Variants in MAPK9 observed in about 807,000 individuals in gnomAD.
MAPK9 encodes the protein Jun kinase.
MAPK9 carries 30 observed loss-of-function variants against 57.1 expected under a neutral mutation model. That is an observed-to-expected ratio of 0.53 (90% CI 0.39 to 0.71). MAPK9 has a LOEUF of 0.71. Among genes scored for constraint, MAPK9 ranks in the 30% least tolerant of loss-of-function variants. The pLI is 0.00. For synonymous variants in MAPK9, 155 were observed against 177.0 expected (o/e 0.88, Z 0.99); for missense variants, 362 against 521.0 (o/e 0.69, Z 2.97).
At chr5:180,276,362 A>G (rs1237572071) in intron 2 of MAPK9, among the ~76,000 whole-genome samples, 3 of 152,200 alleles carry the variant, frequency 2.0e-5, no homozygotes, top group African/African-American at 4.8e-5. Flanking sequence ...AAGGTTAAGC[A>G]TTTCATAGAA....
At chr5:180,242,850 G>C in intron 7 of MAPK9, 95 bp from the exon 8 acceptor site, 2 of 889,732 alleles carry the variant, frequency 2.2e-6, no homozygotes, top group Admixed American at 5.6e-5. Context: ...CTATCGACTA[G>C]GCCACCCCAC....
chr5:180,269,230 A>G, intron 3 of MAPK9, 50 bp downstream of exon 3: 1 of 1,570,578 alleles, frequency 6.4e-7, no homozygotes, highest in Non-Finnish European at 8.7e-7. Flanking sequence ...GAAGATTACC[A>G]CATTATTGAC....
In MAPK9 at chr5:180,280,334, C is replaced by T; in HGVS notation, c.122+106G>A. ...TTCAATTTAGCTCATAAACCTATAA[C>T]AGAGTTTTTTTTTTAATCATCAATG... On this transcript the variant is annotated intron_variant, in intron 2 of 11. Transcript: ENST00000452135. 8.2e-6 allele frequency: 12 copies of T among 1,463,044 alleles called. No homozygotes were observed. The South Asian group carries it at 1.2e-4, about 15-fold the overall frequency. The allele number at this position is 1,463,044 out of a possible 1,614,324, so 90.6% of individuals were successfully genotyped here.
chr5:180,280,205 A>C (rs1176875609), intron 2 of MAPK9, among the ~76,000 whole-genome samples: 1 of 152,198 alleles, frequency 6.6e-6, no homozygotes, highest in East Asian at 1.9e-4. Flanking sequence ...AAAAAGAAAC[A>C]AACAAAAAAG....
intron 1 of MAPK9, among the ~76,000 whole-genome samples, chr5:180,283,069 G>T (rs910732195): frequency 1.3e-5 from 2 of 152,136 alleles, no homozygotes; most frequent in African/African-American, 2.4e-5. Flanking sequence ...TGTGGAAGCC[G>T]TCAAAACATC....
chr5:180,263,484 A>G (rs750830865), intron 4 of MAPK9, among the ~76,000 whole-genome samples: 9 of 152,092 alleles, frequency 5.9e-5, no homozygotes, highest in South Asian at 2.1e-4. Context: ...CTGCTCTGCT[A>G]AGACTCTTAC....
At chr5:180,291,789 C>T (rs985746930) in intron 1 of MAPK9, 59 bp downstream of exon 1, 1 of 148,588 alleles carries the variant, frequency 6.7e-6, no homozygotes, top group African/African-American at 2.4e-5. Flanking sequence ...CTCACCGCCC[C>T]TCCCCGCGGG....
At chr5:180,285,018 T>C (rs1762617132) in intron 1 of MAPK9, among the ~76,000 whole-genome samples, 1 of 152,186 alleles carries the variant, frequency 6.6e-6, no homozygotes. Context: ...ATGTACATAT[T>C]TCACATTTAA....
chr5:180,254,771 C>T (rs1201197183), intron 5 of MAPK9, among the ~76,000 whole-genome samples: 2 of 152,222 alleles, frequency 1.3e-5, no homozygotes, highest in Admixed American at 6.5e-5. Flanking sequence ...CACAGTGGCT[C>T]ATGCCTGTAA....
chr5:180,263,401 C>T (rs7730091), intron 4 of MAPK9, among the ~76,000 whole-genome samples: 50,561 of 152,012 alleles, frequency 0.33, 8,714 homozygotes, highest in Non-Finnish European at 0.36. Flanking sequence ...TGTTCCATGC[C>T]CCCACCCCTT....
At chr5:180,237,404 TCCTTCAGACGTAAGTGAAC>T (rs1757258113) in intron 11 of MAPK9, 1 of 152,184 alleles carries the variant, frequency 6.6e-6, no homozygotes, top group Non-Finnish European at 1.5e-5. Flanking sequence ...ACAGGAAGAA[TCCTTCAGACGTAAGTGAAC>T]ACGACTCATA....
chr5:180,260,352 A>G (rs982103525), intron 5 of MAPK9, among the ~76,000 whole-genome samples: 30 of 152,218 alleles, frequency 2.0e-4, no homozygotes, highest in Non-Finnish European at 3.5e-4. Flanking sequence ...TTTCATTTTA[A>G]TAATTATTTC....
chr5:180,249,235 G>T, intron 5 of MAPK9, 97 bp from the exon 6 acceptor site: 1 of 1,113,980 alleles, frequency 9.0e-7, no homozygotes. Context: ...TGAGAGTGTA[G>T]GGAGTGAACT....
intron 1 of MAPK9, among the ~76,000 whole-genome samples, chr5:180,280,890 C>T (rs1187295853): frequency 6.6e-6 from 1 of 152,178 alleles, no homozygotes; most frequent in African/African-American, 2.4e-5. Flanking sequence ...TGCATTACTA[C>T]TGGCTATGAA....
chr5:180,253,896 GAC>G (rs34715282), intron 5 of MAPK9, among the ~76,000 whole-genome samples: 62,942 of 151,036 alleles, frequency 0.42, 13,649 homozygotes, highest in East Asian at 0.74. Context: ...TGGTCCAAGA[GAC>G]ACCCATTCTT....
intron 7 of MAPK9, among the ~76,000 whole-genome samples, chr5:180,245,141 C>T (rs190603059): frequency 2.7e-4 from 41 of 152,316 alleles, no homozygotes; most frequent in African/African-American, 9.1e-4. Context: ...TCAAGGCTAC[C>T]GACAGACGGA....
Position 180,236,294 on chromosome 5 carries a change from T to G in MAPK9, c.*90A>C, listed in dbSNP as rs1231921259. The G allele has an allele frequency of 7.2e-7, 1 of 1,387,692 alleles. No individual in the cohort carries two copies. The highest frequency in any genetic ancestry group is 1.4e-5 in the African/African-American group (1 of 69,424). 86.0% of individuals were successfully genotyped at this position (1,387,692 alleles called of 1,614,324 possible). On this transcript the variant is annotated 3_prime_UTR_variant, in exon 12 of 12. Coordinates refer to ENST00000452135, the MANE Select transcript of MAPK9 (RefSeq NM_002752.5). ...TTTCTTACATGCAGAACATGGAGTT[T>G]TTCTATTTGGTTCCATCAACTCCCA...
rs774090227 is a variant in MAPK9, at chr5:180,240,507, C to A, written c.997-520G>T. 4.3e-4 allele frequency among the ~76,000 whole-genome samples: 65 copies of A among 152,354 alleles called. 1 individual carries two copies. The Middle Eastern group carries it at 0.01, about 24-fold the overall frequency. Reference sequence around the variant, plus strand: ...CCATGACATAAACATGTATTTCACTCATGGCATGAAGGAAGCCTGCCACTA... The same window carrying A: ...CCATGACATAAACATGTATTTCACTAATGGCATGAAGGAAGCCTGCCACTA... On this transcript the variant is annotated intron_variant, in intron 9 of 11. Transcript: ENST00000452135.
intron 2 of MAPK9, among the ~76,000 whole-genome samples, chr5:180,272,887 T>C (rs1238088418): frequency 6.6e-6 from 1 of 152,172 alleles, no homozygotes; most frequent in Non-Finnish European, 1.5e-5. Context: ...TGTATTTCAG[T>C]AGATAATGTC....
Sources: gnomAD v4.1 joint callset for allele counts (sites outside exome capture counted in the v4.1 genomes callset) on GRCh38, gnomAD v4.1.1 for gene constraint, MANE v1.5 for transcripts, NCBI Gene and HGNC (gene_info 2026-07-23, HGNC 2026-07-21) for gene names.